Variants in CHAT observed in about 807,000 individuals in gnomAD.
CHAT encodes acetyl CoA:choline O-acetyltransferase.
CHAT carries 61 observed loss-of-function variants against 76.9 expected under a neutral mutation model. The observed-to-expected ratio is 0.79, with a 90% CI of 0.65 to 0.98. The LOEUF is 0.98. Ranked by LOEUF, CHAT falls within the 50% of genes least tolerant of loss-of-function variation. CHAT has a pLI of 0.00. For missense variants in CHAT, 946 were observed against 986.9 expected, an observed-to-expected ratio of 0.96 and a Z score of 0.56; for synonymous variants, 407 against 397.4, an observed-to-expected ratio of 1.02 and a Z score of -0.29.
chr10:49,635,703 T>C (rs1447184096), intron 7 of CHAT, among the ~76,000 whole-genome samples: 1 of 152,158 alleles, frequency 6.6e-6, no homozygotes, highest in Non-Finnish European at 1.5e-5. Flanking sequence ...ATCAATACAG[T>C]AAAAGCATTT....
chr10:49,655,271 C>A (rs761635607), intron 12 of CHAT, 35 bp downstream of exon 12: 8 of 1,614,012 alleles, frequency 5.0e-6, no homozygotes, highest in Non-Finnish European at 4.2e-6. Flanking sequence ...CACAGGAAAC[C>A]AGTGAGGCTG....
intron 7 of CHAT, among the ~76,000 whole-genome samples, chr10:49,628,426 T>A (rs1472761799): frequency 6.6e-6 from 1 of 152,220 alleles, no homozygotes; most frequent in African/African-American, 2.4e-5. Context: ...GAAGCAAGAC[T>A]TCTGTGAGTC....
chr10:49,633,974 G>A (rs922214489), intron 7 of CHAT, among the ~76,000 whole-genome samples: 5 of 152,316 alleles, frequency 3.3e-5, no homozygotes, highest in South Asian at 2.1e-4. Context: ...TGCTATTTAC[G>A]TATCGTCATC....
intron 5 of CHAT, among the ~76,000 whole-genome samples, chr10:49,622,922 T>C (rs908258903): frequency 6.6e-6 from 1 of 152,164 alleles, no homozygotes; most frequent in African/African-American, 2.4e-5. Context: ...ATTCAGTCTT[T>C]ACCCAGCCTT....
intron 7 of CHAT, among the ~76,000 whole-genome samples, chr10:49,635,028 G>A (rs539115673): frequency 6.6e-6 from 1 of 152,188 alleles, no homozygotes; most frequent in Admixed American, 6.5e-5. Context: ...ATACAGTCAA[G>A]ATACGGAACA....
chr10:49,647,690 T>C (rs533658959), intron 8 of CHAT, among the ~76,000 whole-genome samples: 1 of 152,350 alleles, frequency 6.6e-6, no homozygotes, highest in South Asian at 2.1e-4. Flanking sequence ...ATATAATACA[T>C]GCACAGAATC....
intron 10 of CHAT, 28 bp downstream of exon 10, chr10:49,649,664 G>T: frequency 6.2e-7 from 1 of 1,612,960 alleles, no homozygotes; most frequent in Non-Finnish European, 8.5e-7. Flanking sequence ...CTCCTTTGAG[G>T]GGTCCCCTAG....
chr10:49,612,740 T>G (rs1192860969), upstream of CHAT: 4 of 194,634 alleles, frequency 2.1e-5, no homozygotes, highest in Non-Finnish European at 4.2e-5. Context: ...TCTTTACTGG[T>G]GGGGGGTGCG....
chr10:49,619,376 C>T (rs1030605551), intron 2 of CHAT, among the ~76,000 whole-genome samples: 1 of 152,180 alleles, frequency 6.6e-6, no homozygotes, highest in Non-Finnish European at 1.5e-5. Context: ...GTTACTACTC[C>T]CATTCTACAG....
In CHAT at chr10:49,625,494, T is replaced by G; in HGVS notation, c.774T>G (p.Cys258Trp). The G allele has an allele frequency of 6.2e-7, 1 of 1,612,718 alleles. No homozygotes were observed. Among genetic ancestry groups the G allele is most frequent in the Non-Finnish European group, 8.5e-7 (1 of 1,180,012 alleles). ...LLDSHSIPTD[C>W]AKGQLSGQPL... ...TCAGCCACTCCATTCCCACTGACTG[T>G]GCCAAAGGCCAGCTGTCAGGGCAGC... is the stretch of plus-strand genomic sequence containing the variant. Residue 258 changes from cysteine to tryptophan, a missense_variant, in exon 6 of 15, where the codon TGT becomes TGG. By Grantham distance (215) the Cys-to-Trp change is radical (BLOSUM62 -2). Around this residue, in one of 3 missense-constraint regions of CHAT, gnomAD observed 548 missense variants for 516.2 expected, o/e 1.06. Coordinates refer to ENST00000337653, the MANE Select transcript of CHAT (RefSeq NM_020549.5).
rs1840309410 is a variant in CHAT at position 49,665,004 on chromosome 10, A to G, written c.2205A>G (p.Thr735=). 6.2e-7 allele frequency: 1 copy of G among 1,614,216 alleles called. No homozygotes were observed. The highest frequency in any genetic ancestry group is 1.3e-5 in the African/African-American group (1 of 75,062). ...CTACTGAGAGCAAGCCATTGGCAAC[A>G]AAGGAAAAAGCCACGAGGCCCAGCC... ...LPPTESKPLA[T]KEKATRPSQG... Residue 735 remains threonine (T), a synonymous_variant, in exon 15 of 15, where the codon ACA becomes ACG. Coordinates refer to ENST00000337653, the MANE Select transcript of CHAT (RefSeq NM_020549.5).
intron 13 of CHAT, among the ~76,000 whole-genome samples, chr10:49,656,245 T>C (rs1457987894): frequency 2.0e-5 from 3 of 151,980 alleles, no homozygotes; most frequent in South Asian, 4.2e-4. Context: ...GTTTGTTCTA[T>C]TTGGGGAAAA....
chr10:49,625,269 T>A (rs559735434), intron 5 of CHAT, among the ~76,000 whole-genome samples: 29 of 152,312 alleles, frequency 1.9e-4, no homozygotes, highest in African/African-American at 6.0e-4. Flanking sequence ...TTGAGAAAAC[T>A]CTGAGGGTCT....
chr10:49,620,318 C>A (rs1234365376), intron 3 of CHAT, among the ~76,000 whole-genome samples, 177 bp from the exon 4 acceptor site: 1 of 151,976 alleles, frequency 6.6e-6, no homozygotes. Context: ...CAGGAGGGCA[C>A]AAAGGTGAAG....
At chr10:49,610,065 C>A (rs867101542), upstream of CHAT, among the ~76,000 whole-genome samples, 29 of 151,904 alleles carry the variant, frequency 1.9e-4, no homozygotes, top group African/African-American at 7.0e-4. Flanking sequence ...CAGCTACCGG[C>A]GCGGAACGCC....
chr10:49,658,007 A>G lies in CHAT; in HGVS notation c.1839+2559A>G, dbSNP rs189360013. On this transcript the variant is annotated intron_variant, in intron 13 of 14. Transcript: ENST00000337653. ...TATTCTTAAATACAAATAGCCATAGATCCTCCGACATTGAGGAGACATAAA... is the reference window on the plus strand; with the variant it reads ...TATTCTTAAATACAAATAGCCATAGGTCCTCCGACATTGAGGAGACATAAA... 1.5e-3 allele frequency among the ~76,000 whole-genome samples: 235 copies of G among 152,366 alleles called. 2 individuals are homozygous for G. Among genetic ancestry groups the G allele is most frequent in the African/African-American group, 5.4e-3 (226 of 41,586 alleles).
intron 14 of CHAT, 135 bp from the exon 15 acceptor site, chr10:49,664,642 C>A: frequency 1.8e-6 from 2 of 1,126,500 alleles, no homozygotes; most frequent in Non-Finnish European, 2.7e-6. Context: ...TGGCTGTGTC[C>A]ATCCATGCTA....
At chr10:49,622,448 C>T (rs957185936) in intron 5 of CHAT, among the ~76,000 whole-genome samples, 3 of 152,160 alleles carry the variant, frequency 2.0e-5, no homozygotes, top group African/African-American at 7.2e-5. Context: ...CTGGAGAACA[C>T]ATAGGAAGGC....
intron 13 of CHAT, among the ~76,000 whole-genome samples, chr10:49,657,688 A>T (rs770474170): frequency 6.6e-6 from 1 of 152,190 alleles, no homozygotes; most frequent in Non-Finnish European, 1.5e-5. Context: ...TCAGCCACTC[A>T]GCTCCATACA....
Sources: gnomAD v4.1 joint callset for allele counts (sites outside exome capture counted in the v4.1 genomes callset) on GRCh38, gnomAD v4.1.1 for gene constraint, gnomAD v4.1.1 regional missense constraint, MANE v1.5 for transcripts, NCBI Gene and HGNC (gene_info 2026-07-23, HGNC 2026-07-21) for gene names.